Variants in CDC42SE2 observed in about 807,000 individuals in gnomAD.
CDC42SE2 encodes CDC42 small effector 2, also known as CDC42 small effector protein 2.
In CDC42SE2, 3 loss-of-function variants were observed where a neutral mutation model predicts 11.5. That is an observed-to-expected ratio of 0.26 (90% confidence interval 0.12 to 0.67). The LOEUF (loss-of-function observed/expected upper bound fraction) is 0.67. Among genes scored for constraint, CDC42SE2 ranks in the 30% least tolerant of loss-of-function variants. The probability of loss-of-function intolerance (pLI) is 0.80; values close to 1 mark genes in which losing one functional copy is unlikely to be tolerated. For missense variants in CDC42SE2, 82 were observed against 106.8 expected, an observed-to-expected ratio of 0.77 and a Z score of 1.02; for synonymous variants, 33 against 34.8, an observed-to-expected ratio of 0.95 and a Z score of 0.18.
chr5:131,253,786 A>G (rs1312056431), intron 1 of CDC42SE2, among the ~76,000 whole-genome samples: 5 of 152,230 alleles, frequency 3.3e-5, no homozygotes, highest in African/African-American at 1.2e-4. Context: ...AAAATTAAAA[A>G]AAGAACTTCT....
At chr5:131,335,001 T>C (rs1054658911) in intron 2 of CDC42SE2, among the ~76,000 whole-genome samples, 6 of 152,212 alleles carry the variant, frequency 3.9e-5, no homozygotes, top group African/African-American at 7.2e-5. Context: ...TTTCTTGCCT[T>C]CTTCTAGCTT....
At chr5:131,228,288 G>T in the CDC42SE2 span, among the ~76,000 whole-genome samples, 1 of 152,000 alleles carries the variant, frequency 6.6e-6, no homozygotes, top group African/African-American at 2.4e-5. Context: ...GATAGCTTGA[G>T]CCCAGGAAGT....
intron 2 of CDC42SE2, among the ~76,000 whole-genome samples, chr5:131,353,431 G>C (rs1488225324): frequency 1.3e-5 from 2 of 151,986 alleles, no homozygotes; most frequent in African/African-American, 4.8e-5. Context: ...ACAGGTGCAT[G>C]CCACCATGCC....
chr5:131,318,895 A>G (rs978978129), intron 2 of CDC42SE2, among the ~76,000 whole-genome samples: 4 of 151,960 alleles, frequency 2.6e-5, no homozygotes, highest in Non-Finnish European at 5.9e-5. Context: ...CAGATAATGC[A>G]TTCTTTTTTT....
chr5:131,231,836 G>T, the CDC42SE2 span, among the ~76,000 whole-genome samples: 1 of 151,236 alleles, frequency 6.6e-6, no homozygotes, highest in Non-Finnish European at 1.5e-5. Flanking sequence ...CTGTCGCCCA[G>T]GCTGGAGTGT....
upstream of CDC42SE2, chr5:131,261,550 C>T (rs1281542697): frequency 6.6e-6 from 1 of 152,134 alleles, no homozygotes; most frequent in African/African-American, 2.4e-5. Context: ...TGCACACATA[C>T]TCTACAAAAA....
At chr5:131,323,624 C>G (rs1314194532) in intron 2 of CDC42SE2, among the ~76,000 whole-genome samples, 1 of 142,286 alleles carries the variant, frequency 7.0e-6, no homozygotes, top group African/African-American at 2.6e-5. Context: ...GTGTACTTAA[C>G]CCTAGGTAAT....
At chr5:131,265,034 T>C (rs987584799) in intron 1 of CDC42SE2, among the ~76,000 whole-genome samples, 1 of 152,214 alleles carries the variant, frequency 6.6e-6, no homozygotes, top group Non-Finnish European at 1.5e-5. Flanking sequence ...TCTTGAAATA[T>C]CAGACAAAGC....
At chr5:131,314,768 A>G (rs1758005782) in intron 1 of CDC42SE2, among the ~76,000 whole-genome samples, 2 of 152,208 alleles carry the variant, frequency 1.3e-5, no homozygotes. Flanking sequence ...ATGTCTTGCC[A>G]GGAATGAGAT....
intron 3 of CDC42SE2, among the ~76,000 whole-genome samples, chr5:131,383,323 T>C (rs1750378201): frequency 6.6e-6 from 1 of 152,218 alleles, no homozygotes; most frequent in Non-Finnish European, 1.5e-5. Flanking sequence ...CAAAAGCCTC[T>C]TTTGACTTTA....
At chr5:131,278,719 CCCCTCCCCCCT>C (rs1309943763) in intron 1 of CDC42SE2, among the ~76,000 whole-genome samples, 32 of 23,938 alleles carry the variant, frequency 1.3e-3, no homozygotes, top group Middle Eastern at 0.012. Flanking sequence ...CCTCTCCCCT[CCCCTCCCCCCT>C]CCCCTCCCCT....
rs568158624 is a variant in CDC42SE2 at position 131,335,236 on chromosome 5, T to C, written c.-286+19092T>C. The stretch of plus-strand genomic sequence containing the variant: ...CATTTCATTATGTACCCAGTAGTTA[T>C]TCAGGAACAGGTTGTTCAGTTTCCA... On this transcript the variant is annotated intron_variant, in intron 2 of 4. Coordinates refer to ENST00000505065, the MANE Select transcript of CDC42SE2 (RefSeq NM_001375635.1). Among the ~76,000 whole-genome samples the C allele has an allele frequency of 2.3e-4, 35 of 152,378 alleles. No individual in the cohort carries two copies. In the South Asian group the frequency reaches 7.2e-3, roughly 32 times the overall value.
intron 1 of CDC42SE2, among the ~76,000 whole-genome samples, chr5:131,307,843 C>CT (rs1416475919): frequency 6.6e-6 from 1 of 152,038 alleles, no homozygotes; most frequent in Non-Finnish European, 1.5e-5. Context: ...TTTCATGTGT[C>CT]TTTTGGCTGC....
the CDC42SE2 span, among the ~76,000 whole-genome samples, chr5:131,210,472 C>G: frequency 6.6e-6 from 1 of 152,192 alleles, no homozygotes; most frequent in African/African-American, 2.4e-5. Context: ...CTTAATAGTT[C>G]TTTCAGTGAA....
chr5:131,306,219 A>G (rs961138845), intron 1 of CDC42SE2, among the ~76,000 whole-genome samples: 1 of 152,142 alleles, frequency 6.6e-6, no homozygotes, highest in African/African-American at 2.4e-5. Context: ...TGTATATGCT[A>G]CCTGCTCATT....
chr5:131,356,772 G>A (rs1207341191), intron 2 of CDC42SE2, among the ~76,000 whole-genome samples: 3 of 152,252 alleles, frequency 2.0e-5, no homozygotes, highest in Non-Finnish European at 4.4e-5. Flanking sequence ...GCAAAGTGTG[G>A]CAGCACACAT....
chr5:131,221,472 A>T, the CDC42SE2 span, among the ~76,000 whole-genome samples: 2,584 of 151,798 alleles, frequency 0.017, 81 homozygotes, highest in African/African-American at 0.059. Flanking sequence ...ATTCATCAAC[A>T]CCCTTCTGTA....
intron 2 of CDC42SE2, among the ~76,000 whole-genome samples, chr5:131,340,559 G>A (rs541433884): frequency 3.3e-5 from 5 of 152,178 alleles, no homozygotes; most frequent in South Asian, 2.1e-4. Context: ...TTAGTAACTC[G>A]GCTGTAAGTT....
Position 131,366,880 on chromosome 5 carries a change from T to C in CDC42SE2, c.54+7333T>C, listed in dbSNP as rs7724519. ...TGTCTCTACAAAAAATTTTAAAAATTAGCTGTGTGTGGTAGTGTGTGCCTG... is the reference window on the plus strand; with the variant it reads ...TGTCTCTACAAAAAATTTTAAAAATCAGCTGTGTGTGGTAGTGTGTGCCTG... On this transcript the variant is annotated intron_variant, in intron 3 of 4. Transcript: ENST00000505065. 4.9e-3 allele frequency among the ~76,000 whole-genome samples: 745 copies of C among 151,902 alleles called. 4 individuals carry two copies. Among genetic ancestry groups the C allele is most frequent in the African/African-American group, 0.016 (682 of 41,410 alleles).
Sources: allele counts gnomAD v4.1 joint callset (sites outside exome capture counted in the v4.1 genomes callset), GRCh38; gene constraint gnomAD v4.1.1; transcripts MANE v1.5; gene names NCBI Gene and HGNC (gene_info 2026-07-23, HGNC 2026-07-21).